Variants in PKHD1 observed in about 807,000 individuals in gnomAD.
PKHD1 encodes the protein PKHD1 ciliary IPT domain containing fibrocystin/polyductin.
In PKHD1, 291 loss-of-function variants were observed where a neutral mutation model predicts 412.0. That is an observed-to-expected ratio of 0.71 (90% confidence interval 0.64 to 0.78). PKHD1 has a LOEUF of 0.78. PKHD1 is among the 30% of genes least tolerant of loss of function. The pLI, the probability that PKHD1 is intolerant of heterozygous loss-of-function variation, is 0.00. For missense variants in PKHD1, 4,825 were observed against 4,950.7 expected (o/e 0.97, Z 0.76); for synonymous variants, 1,777 against 1,821.5 (o/e 0.98, Z 0.62).
chr6:51,957,443 A>G (rs188659455), intron 36 of PKHD1, among the ~76,000 whole-genome samples: 2 of 152,224 alleles, frequency 1.3e-5, no homozygotes, highest in Admixed American at 6.6e-5. Flanking sequence ...GTTGCCACCA[A>G]TGAAATTAGG....
intron 50 of PKHD1, among the ~76,000 whole-genome samples, chr6:51,844,832 A>T (rs776775374): frequency 2.6e-5 from 4 of 152,164 alleles, no homozygotes; most frequent in Non-Finnish European, 5.9e-5. Context: ...CCCCCAAAAA[A>T]ATCTAATATG....
At chr6:52,019,174 C>G (rs929486160) in intron 33 of PKHD1, among the ~76,000 whole-genome samples, 1 of 152,170 alleles carries the variant, frequency 6.6e-6, no homozygotes, top group Non-Finnish European at 1.5e-5. Context: ...TTAAAAAAAT[C>G]TCTGTAGCCT....
chr6:52,060,623 T>C (rs1808531426), intron 14 of PKHD1, among the ~76,000 whole-genome samples: 1 of 152,166 alleles, frequency 6.6e-6, no homozygotes, highest in Admixed American at 6.5e-5. Flanking sequence ...AATATTTAAA[T>C]TCCAGCAACC....
chr6:51,824,784 T>C (rs987371817), intron 52 of PKHD1, among the ~76,000 whole-genome samples: 1 of 152,092 alleles, frequency 6.6e-6, no homozygotes, highest in African/African-American at 2.4e-5. Context: ...CATATCCCTC[T>C]CTTCTAAGAA....
At chr6:51,841,420 C>T (rs1770182781) in intron 50 of PKHD1, among the ~76,000 whole-genome samples, 1 of 151,976 alleles carries the variant, frequency 6.6e-6, no homozygotes, top group African/African-American at 2.4e-5. Flanking sequence ...CCTTTCCTTC[C>T]TTTTCTCCTT....
intron 55 of PKHD1, 119 bp from the exon 56 acceptor site, chr6:51,755,057 A>G: frequency 1.1e-6 from 1 of 897,212 alleles, no homozygotes; most frequent in Non-Finnish European, 1.9e-6. Context: ...AGAAACTGAA[A>G]TAGAAATAAG....
At position 51,998,680 on chromosome 6, in the gene PKHD1, G is replaced by GT. The variant is rs368154818; in HGVS notation, c.5751+11628dup. On this transcript the variant is annotated intron_variant, in intron 35 of 66. Coordinates refer to ENST00000371117, the MANE Select transcript of PKHD1 (RefSeq NM_138694.4). Reference sequence around the variant, plus strand: ...TTTGTTTTATTGTTTATTTTGTTTGGTTTTTTTCCCTTTTTTTAATGTATA... The same window carrying GT: ...TTTGTTTTATTGTTTATTTTGTTTGGTTTTTTTTCCCTTTTTTTAATGTATA... Among the ~76,000 whole-genome samples, 129 of 151,832 alleles carry GT rather than the reference G, an allele frequency of 8.5e-4. 1 individual carries two copies. Among genetic ancestry groups the GT allele is most frequent in the African/African-American group, 2.8e-3 (117 of 41,426 alleles).
At chr6:52,016,066 C>T (rs1165703553) in intron 34 of PKHD1, among the ~76,000 whole-genome samples, 2 of 152,146 alleles carry the variant, frequency 1.3e-5, no homozygotes, top group East Asian at 3.9e-4. Context: ...ACATGTACTT[C>T]CTGGTGTCCA....
intron 64 of PKHD1, among the ~76,000 whole-genome samples, chr6:51,633,613 A>C (rs1049645830): frequency 2.0e-5 from 3 of 152,220 alleles, no homozygotes; most frequent in African/African-American, 7.2e-5. Flanking sequence ...CATAAAAGGC[A>C]TTATGCTGAG....
In PKHD1 at chr6:51,909,871, A is replaced by G. The variant is rs114445832; in HGVS notation, c.6491-397T>C. Reference sequence around the variant, plus strand: ...AGACATGTTAGCACTGAATATAATAACAGCACTTTTTAATCTTAAGCTGTC... The same window carrying G: ...AGACATGTTAGCACTGAATATAATAGCAGCACTTTTTAATCTTAAGCTGTC... On this transcript the variant is annotated intron_variant, in intron 39 of 66. Transcript: ENST00000371117. Among the ~76,000 whole-genome samples the G allele has an allele frequency of 2.5e-3, 376 of 152,224 alleles. 3 individuals are homozygous for G. The highest frequency in any genetic ancestry group is 8.1e-3 in the African/African-American group (336 of 41,556).
intron 37 of PKHD1, among the ~76,000 whole-genome samples, chr6:51,924,531 G>T (rs1365991940): frequency 6.6e-6 from 1 of 152,122 alleles, no homozygotes. Context: ...GATCAACTTG[G>T]CTCCAGGGCA....
rs1027704506 is a variant in PKHD1 at position 51,724,104 on chromosome 6, G to A, written c.10156+20281C>T. 2.0e-5 allele frequency among the ~76,000 whole-genome samples: 3 copies of A among 152,172 alleles called. 1 individual carries two copies. The South Asian group carries it at 6.2e-4, about 32-fold the overall frequency. ...GAGAAGAGACTAAAAATTGTCATATGCCCACAAAACCTTTTCACCTATTCT... is the reference window on the plus strand; with the variant it reads ...GAGAAGAGACTAAAAATTGTCATATACCCACAAAACCTTTTCACCTATTCT... On this transcript the variant is annotated intron_variant, in intron 60 of 66. Coordinates refer to ENST00000371117, the MANE Select transcript of PKHD1 (RefSeq NM_138694.4).
At chr6:51,634,821 G>C (rs1163317568) in intron 64 of PKHD1, among the ~76,000 whole-genome samples, 2 of 152,198 alleles carry the variant, frequency 1.3e-5, no homozygotes, top group African/African-American at 4.8e-5. Context: ...CTTAATGCTA[G>C]AAGAATTTGA....
intron 60 of PKHD1, among the ~76,000 whole-genome samples, chr6:51,713,359 G>A (rs1780867658): frequency 6.6e-6 from 1 of 152,172 alleles, no homozygotes; most frequent in African/African-American, 2.4e-5. Context: ...GCCCAAGCCT[G>A]CCTCAGGCTG....
rs868562051 is a variant in PKHD1, at chr6:52,079,906, AG to A, written c.383del (p.Thr128IlefsTer25). 5.7e-6 allele frequency: 9 copies of A among 1,572,420 alleles called. No homozygotes were observed. The highest frequency in any genetic ancestry group is 3.3e-5 in the Admixed American group (2 of 59,942). ...SPNPGPRDSC[T>X]FKFSKAQTPI... is the part of the protein sequence containing the mutation. ...CTCCAGCCTTAGAACCCACCTTGAA[AG>A]TACAGCTATCTCGTGGTCCTGGATT... On this transcript the variant is annotated frameshift_variant, in exon 5 of 67. Coordinates refer to ENST00000371117, the MANE Select transcript of PKHD1 (RefSeq NM_138694.4). LOFTEE classifies it high-confidence loss of function.
chr6:51,735,642 G>A (rs1200172137), intron 60 of PKHD1, among the ~76,000 whole-genome samples: 1 of 152,080 alleles, frequency 6.6e-6, no homozygotes, highest in Non-Finnish European at 1.5e-5. Flanking sequence ...AACACAGTTC[G>A]GGGCTGGGCA....
intron 60 of PKHD1, among the ~76,000 whole-genome samples, chr6:51,717,621 G>A (rs1399799508): frequency 6.6e-6 from 1 of 152,190 alleles, no homozygotes; most frequent in Non-Finnish European, 1.5e-5. Context: ...CAGGTTTGGA[G>A]CAGGCTGCAC....
At chr6:51,949,897 G>GT (rs1790059668) in intron 36 of PKHD1, among the ~76,000 whole-genome samples, 1 of 151,978 alleles carries the variant, frequency 6.6e-6, no homozygotes, top group African/African-American at 2.4e-5. Flanking sequence ...TGCTGCTGCT[G>GT]TTTTTCCCAT....
rs375789763 is a variant in PKHD1 at position 51,718,171 on chromosome 6, G to T, written c.10156+26214C>A. ...TTTCTGTTGGAACTTAAGGCCTGAGGGCAGGTGAGCTGATTAGACATTGCA... is the reference window on the plus strand; with the variant it reads ...TTTCTGTTGGAACTTAAGGCCTGAGTGCAGGTGAGCTGATTAGACATTGCA... On this transcript the variant is annotated intron_variant, in intron 60 of 66. Transcript: ENST00000371117. Among the ~76,000 whole-genome samples, 9 of 152,278 alleles carry T rather than the reference G, an allele frequency of 5.9e-5. No individual in the cohort carries two copies. In the East Asian group the frequency reaches 7.7e-4, roughly 13 times the overall value.
Sources: allele counts gnomAD v4.1 joint callset (sites outside exome capture counted in the v4.1 genomes callset), GRCh38; gene constraint gnomAD v4.1.1; transcripts MANE v1.5; gene names NCBI Gene and HGNC (gene_info 2026-07-23, HGNC 2026-07-21).